The following ZNF254 variants were observed in gnomAD, a reference collection of about 807,000 sequenced individuals.
ZNF254 encodes the protein CTD-2017D11.1.
Under a neutral mutation model 12.4 loss-of-function variants are expected in ZNF254, and 10 were observed. The observed-to-expected ratio is 0.80, with a 90% CI of 0.50 to 1.36. ZNF254 has a LOEUF of 1.36. Among genes scored for constraint, ZNF254 ranks in the 40% most tolerant of loss-of-function variants. ZNF254 has a pLI of 0.00. For synonymous variants in ZNF254, 305 were observed against 253.4 expected (o/e 1.20, Z -1.93); for missense variants, 996 against 763.9 (o/e 1.30, Z -3.58).
At position 24,126,443 on chromosome 19, in the gene ZNF254, CT is replaced by C. The variant is rs772180138; in HGVS notation, c.444del (p.Ala149ProfsTer12). 4.4e-6 allele frequency: 7 copies of C among 1,593,622 alleles called. No individual in the cohort carries two copies. The African/African-American group carries it at 6.8e-5, about 15-fold the overall frequency. ...AATGGACTTAACCAGTGTTTCACAA[CT>C]GCCCAGAGCAAAGTATTTCAATGTG... is the stretch of plus-strand genomic sequence containing the variant. The part of the protein sequence containing the change: ...GYNGLNQCFT[T>X]AQSKVFQCDK... On this transcript the variant is annotated frameshift_variant, in exon 4 of 4. Transcript: ENST00000357002. LOFTEE classifies it low-confidence loss of function (END_TRUNC).
chr19:24,117,118 C>A (rs957792185), intron 3 of ZNF254, among the ~76,000 whole-genome samples: 11 of 152,140 alleles, frequency 7.2e-5, no homozygotes. Flanking sequence ...GGGGGTGCCT[C>A]CCAGTTAGGC....
At chr19:24,051,413 G>T (rs1451550571) in intron 2 of ZNF254, among the ~76,000 whole-genome samples, 1 of 152,172 alleles carries the variant, frequency 6.6e-6, no homozygotes, top group Non-Finnish European at 1.5e-5. Context: ...ACCTGCCTTG[G>T]CCTCCCAAAG....
intron 3 of ZNF254, among the ~76,000 whole-genome samples, chr19:24,108,460 T>A (rs1973469623): frequency 6.6e-6 from 1 of 152,160 alleles, no homozygotes; most frequent in South Asian, 2.1e-4. Flanking sequence ...TTTAGCAGAG[T>A]TTCACAACTC....
chr19:24,078,192 C>T (rs1323226585), intron 2 of ZNF254, among the ~76,000 whole-genome samples: 1 of 152,198 alleles, frequency 6.6e-6, no homozygotes, highest in African/African-American at 2.4e-5. Flanking sequence ...CACATGCCAC[C>T]ACACACGGCT....
intron 1 of ZNF254, chr19:24,104,695 A>G (rs1412130460): frequency 6.6e-6 from 1 of 152,146 alleles, no homozygotes; most frequent in Non-Finnish European, 1.5e-5. Flanking sequence ...TGTGATCTGC[A>G]ATATTAAAAA....
intron 1 of ZNF254, among the ~76,000 whole-genome samples, chr19:24,045,967 C>T (rs989000363): frequency 6.6e-6 from 1 of 152,076 alleles, no homozygotes; most frequent in Non-Finnish European, 1.5e-5. Flanking sequence ...CAGCCCTCCC[C>T]CTTAGTTTTG....
intron 1 of ZNF254, chr19:24,098,324 A>G (rs1207053206): frequency 6.6e-6 from 1 of 152,236 alleles, no homozygotes; most frequent in Non-Finnish European, 1.5e-5. Flanking sequence ...AATAAAGGCA[A>G]GTGATGTGGC....
intron 2 of ZNF254, among the ~76,000 whole-genome samples, chr19:24,061,837 A>G (rs1240802927): frequency 6.6e-6 from 1 of 152,228 alleles, no homozygotes; most frequent in East Asian, 1.9e-4. Context: ...TAATCCCAGC[A>G]CTTCAAGAGG....
chr19:24,069,623 AAAAAG>A (rs1971408373), intron 2 of ZNF254, among the ~76,000 whole-genome samples: 1 of 149,532 alleles, frequency 6.7e-6, no homozygotes, highest in African/African-American at 2.5e-5. Context: ...AAAAAAAAAA[AAAAAG>A]AATATTCTGC....
intron 2 of ZNF254, among the ~76,000 whole-genome samples, chr19:24,048,003 C>CTTCTTTTTTTT (rs1970467576): frequency 1.5e-5 from 1 of 68,810 alleles, no homozygotes; most frequent in Non-Finnish European, 2.5e-5. Flanking sequence ...TTCTTTTCTT[C>CTTCTTTTTTTT]TTTTTTTTTT....
intron 2 of ZNF254, among the ~76,000 whole-genome samples, chr19:24,071,650 C>T (rs1173452281): frequency 3.3e-5 from 5 of 152,092 alleles, no homozygotes; most frequent in Admixed American, 3.3e-4. Context: ...TTTGACCTAG[C>T]TATAATGCTT....
At chr19:24,115,337 A>G (rs1568466238) in intron 3 of ZNF254, among the ~76,000 whole-genome samples, 1 of 152,194 alleles carries the variant, frequency 6.6e-6, no homozygotes, top group Non-Finnish European at 1.5e-5. Context: ...ATGGAATACT[A>G]TGCAGCCATC....
intron 3 of ZNF254, among the ~76,000 whole-genome samples, chr19:24,116,511 T>A (rs940456447): frequency 5.3e-5 from 8 of 152,288 alleles, no homozygotes; most frequent in Middle Eastern, 3.4e-3. Flanking sequence ...TTCTGCATTC[T>A]TCATGTAGTT....
chr19:24,043,971 T>C (rs997612026), intron 1 of ZNF254, among the ~76,000 whole-genome samples: 1 of 152,206 alleles, frequency 6.6e-6, no homozygotes, highest in African/African-American at 2.4e-5. Context: ...CTGGGCGTGG[T>C]GGCTCACGCC....
At chr19:24,119,528 C>T (rs930496116) in intron 3 of ZNF254, among the ~76,000 whole-genome samples, 17 of 152,220 alleles carry the variant, frequency 1.1e-4, no homozygotes, top group Middle Eastern at 3.4e-3. Flanking sequence ...CTCACTCTCT[C>T]AACCAGGCTG....
intron 1 of ZNF254, among the ~76,000 whole-genome samples, chr19:24,035,173 G>GT (rs1969919629): frequency 6.6e-6 from 1 of 151,556 alleles, no homozygotes; most frequent in African/African-American, 2.4e-5. Flanking sequence ...GTTGTTGTTT[G>GT]TTTTTTGTGA....
rs574648033 is a variant in ZNF254 at position 24,072,105 on chromosome 19, G to T, written c.-94+25826G>T. On this transcript the variant is annotated intron_variant, in intron 2 of 4. Transcript: ENST00000613065. ...TTTTCTACTTGAGCTCTGTATAAAG[G>T]GGGGATTGTGACATATCACTGGACC... Among the ~76,000 whole-genome samples, 5 of 151,696 alleles carry T rather than the reference G, an allele frequency of 3.3e-5. 1 individual carries two copies. Among genetic ancestry groups the T allele is most frequent in the South Asian group, 2.1e-4 (1 of 4,798 alleles).
chr19:24,106,669 G>A, intron 3 of ZNF254, 26 bp downstream of exon 3: 1 of 1,545,784 alleles, frequency 6.5e-7, no homozygotes, highest in Non-Finnish European at 8.8e-7. Flanking sequence ...TACAACAGAT[G>A]ACATGGATGA....
chr19:24,096,315 T>C (rs927510651), intron 1 of ZNF254, among the ~76,000 whole-genome samples: 7 of 152,162 alleles, frequency 4.6e-5, no homozygotes, highest in Non-Finnish European at 8.8e-5. Flanking sequence ...TGCCTCAGCC[T>C]CCCAAAGTGC....
Sources: gnomAD v4.1 joint callset for allele counts (sites outside exome capture counted in the v4.1 genomes callset) on GRCh38, gnomAD v4.1.1 for gene constraint, MANE v1.5 for transcripts, NCBI Gene and HGNC (gene_info 2026-07-23, HGNC 2026-07-21) for gene names.